Variants in ATP8B4 observed in about 807,000 individuals in gnomAD.
The protein encoded by ATP8B4 is ATPase phospholipid transporting 8B4 (putative).
ATP8B4 carries 133 observed loss-of-function variants against 145.6 expected under a neutral mutation model. The observed-to-expected ratio is 0.91, with a 90% confidence interval of 0.79 to 1.05. ATP8B4 has a LOEUF of 1.05. Among genes scored for constraint, ATP8B4 ranks in the 50% least tolerant of loss-of-function variants. The probability of loss-of-function intolerance (pLI) is 0.00; values close to 1 mark genes in which losing one functional copy is unlikely to be tolerated. For synonymous variants in ATP8B4, 507 were observed against 492.9 expected (o/e 1.03, Z -0.38); for missense variants, 1,458 against 1,425.2 (o/e 1.02, Z -0.37).
intron 9 of ATP8B4, among the ~76,000 whole-genome samples, chr15:49,988,728 T>C (rs1354190386): frequency 6.6e-6 from 1 of 152,190 alleles, no homozygotes; most frequent in Admixed American, 6.5e-5. Flanking sequence ...TATATTACAC[T>C]GACTCCATCC....
At chr15:49,926,480 A>G (rs2040739089) in intron 16 of ATP8B4, among the ~76,000 whole-genome samples, 1 of 152,112 alleles carries the variant, frequency 6.6e-6, no homozygotes, top group Non-Finnish European at 1.5e-5. Flanking sequence ...TCTTCTGTAT[A>G]TTCCAGTTAC....
At chr15:49,875,080 TCACACACACACATCTATCCATGTACA>T (rs2153393349) in intron 25 of ATP8B4, among the ~76,000 whole-genome samples, 1 of 152,134 alleles carries the variant, frequency 6.6e-6, no homozygotes, top group East Asian at 1.9e-4. Context: ...AACACCAGTT[TCACACACACACATCTATCCATGTACA>T]CATGCACACA....
At chr15:49,996,530 G>T in intron 9 of ATP8B4, 147 bp downstream of exon 9, 1 of 596,128 alleles carries the variant, frequency 1.7e-6, no homozygotes, top group Admixed American at 2.8e-5. Context: ...TCTTTTTAGC[G>T]TGCGAAGAAA....
In ATP8B4 at chr15:50,142,361, C is replaced by T. The variant is rs369516894; in HGVS notation, c.-42-35353G>A. Among the ~76,000 whole-genome samples, 136 of 152,202 alleles carry T rather than the reference C, an allele frequency of 8.9e-4. 1 individual carries two copies. Among genetic ancestry groups the T allele is most frequent in the South Asian group, 3.3e-3 (16 of 4,824 alleles). On this transcript the variant is annotated intron_variant, in intron 1 of 3. Coordinates refer to the ATP8B4 transcript ENST00000558829. The stretch of plus-strand genomic sequence containing the variant: ...TCCAGGACACAACTCAGAGTTATCA[C>T]GAAAGGTACCCAACTGTATAATCAC...
intron 6 of ATP8B4, among the ~76,000 whole-genome samples, chr15:50,028,124 C>T (rs2050150131): frequency 6.6e-6 from 1 of 152,200 alleles, no homozygotes; most frequent in African/African-American, 2.4e-5. Flanking sequence ...CACAATGTCA[C>T]TGCCAGAGTC....
chr15:49,875,256 TA>T, intron 25 of ATP8B4, among the ~76,000 whole-genome samples: 1 of 152,226 alleles, frequency 6.6e-6, no homozygotes, highest in Non-Finnish European at 1.5e-5. Flanking sequence ...CTTCTTCAGA[TA>T]GTGGCCTTTT....
chr15:49,986,792 C>A (rs797017092), intron 10 of ATP8B4, among the ~76,000 whole-genome samples: 2 of 152,212 alleles, frequency 1.3e-5, no homozygotes, highest in Non-Finnish European at 2.9e-5. Flanking sequence ...AGAGGGCCAC[C>A]TCGGGCCTAC....
intron 14 of ATP8B4, among the ~76,000 whole-genome samples, chr15:49,948,667 T>C (rs2042792100): frequency 1.3e-5 from 2 of 152,224 alleles, no homozygotes; most frequent in African/African-American, 4.8e-5. Context: ...CTTGCAAATA[T>C]GTTTACGTTC....
rs2040015775 is a variant in ATP8B4, at chr15:49,919,090, T to C, written c.1924-140A>G. Reference sequence around the variant, plus strand: ...TTATGATACATTGATATAGCAGGCATCCTATTTTGTGTGAAAGTGGATTGG... The same window carrying C: ...TTATGATACATTGATATAGCAGGCACCCTATTTTGTGTGAAAGTGGATTGG... On this transcript the variant is annotated intron_variant, in intron 18 of 27. Coordinates refer to ENST00000284509, the MANE Select transcript of ATP8B4 (RefSeq NM_024837.4). The C allele has an allele frequency of 1.4e-5, 9 of 650,072 alleles. No individual in the cohort carries two copies. In the East Asian group the frequency reaches 2.6e-4, roughly 19 times the overall value. 40.3% of individuals were successfully genotyped at this position (650,072 alleles called of 1,614,324 possible). A position where few individuals can be genotyped will look rare whatever the true frequency, so the allele number is the denominator to read the frequency against.
chr15:49,863,716 G>A (rs2153373291), intron 26 of ATP8B4, among the ~76,000 whole-genome samples: 1 of 152,190 alleles, frequency 6.6e-6, no homozygotes, highest in Non-Finnish European at 1.5e-5. Flanking sequence ...TCAATTAAAT[G>A]TCTCTTTGAG....
At chr15:50,161,996 C>G (rs1436032922) in intron 1 of ATP8B4, among the ~76,000 whole-genome samples, 1 of 152,050 alleles carries the variant, frequency 6.6e-6, no homozygotes, top group Non-Finnish European at 1.5e-5. Flanking sequence ...GTCTTGAAGT[C>G]TTTCTTTTTT....
chr15:50,055,895 C>T (rs1367838151), intron 3 of ATP8B4, among the ~76,000 whole-genome samples: 1 of 152,174 alleles, frequency 6.6e-6, no homozygotes, highest in Non-Finnish European at 1.5e-5. Flanking sequence ...GGAGATTAGA[C>T]ATCTGGTACC....
chr15:50,023,922 A>G (rs2049807472), intron 6 of ATP8B4, among the ~76,000 whole-genome samples: 1 of 152,112 alleles, frequency 6.6e-6, no homozygotes, highest in Non-Finnish European at 1.5e-5. Context: ...GTGATACTCT[A>G]GTACATTAGT....
intron 1 of ATP8B4, among the ~76,000 whole-genome samples, chr15:50,166,871 T>C (rs1316010191): frequency 6.6e-6 from 1 of 152,142 alleles, no homozygotes; most frequent in Non-Finnish European, 1.5e-5. Flanking sequence ...GAATGTTTCA[T>C]AGTACTGAGG....
intron 3 of ATP8B4, among the ~76,000 whole-genome samples, chr15:50,073,904 A>C (rs1002014112): frequency 6.8e-6 from 1 of 146,958 alleles, no homozygotes; most frequent in African/African-American, 2.4e-5. Flanking sequence ...AGATTTTATC[A>C]TCTTCCCATG....
intron 1 of ATP8B4, among the ~76,000 whole-genome samples, chr15:50,153,602 G>T (rs1223367553): frequency 1.3e-5 from 2 of 152,054 alleles, no homozygotes; most frequent in Non-Finnish European, 2.9e-5. Context: ...CTCCCAAAGT[G>T]CTGGGATTAC....
rs1334190579 is a variant in ATP8B4, at chr15:49,979,183, C to G, written c.1034+434G>C. On this transcript the variant is annotated intron_variant, in intron 12 of 27. Coordinates refer to ENST00000284509, the MANE Select transcript of ATP8B4 (RefSeq NM_024837.4). ...GGAACTGAGGCACTAGAAGATGAAG[C>G]TACTTGCCCAAGGTTATGGAGCTAG... 2.6e-5 allele frequency among the ~76,000 whole-genome samples: 4 copies of G among 152,026 alleles called. No homozygotes were observed. In the South Asian group the frequency reaches 8.3e-4, roughly 32 times the overall value.
chr15:50,134,065 G>T (rs1189776638), intron 1 of ATP8B4, among the ~76,000 whole-genome samples: 2 of 152,022 alleles, frequency 1.3e-5, no homozygotes, highest in Non-Finnish European at 2.9e-5. Context: ...CAATGTATAT[G>T]TATATCAAAT....
intron 1 of ATP8B4, among the ~76,000 whole-genome samples, chr15:50,112,755 A>G (rs1171342764): frequency 6.6e-6 from 1 of 152,206 alleles, no homozygotes; most frequent in East Asian, 1.9e-4. Context: ...AGTTCACTCC[A>G]TAAAAGTGTG....
Sources: gnomAD v4.1 joint callset for allele counts (sites outside exome capture counted in the v4.1 genomes callset) on GRCh38, gnomAD v4.1.1 for gene constraint, MANE v1.5 for transcripts, NCBI Gene and HGNC (gene_info 2026-07-23, HGNC 2026-07-21) for gene names.